GNA14: variants seen among roughly 807,000 people sequenced by gnomAD.
GNA14 encodes the protein G protein subunit alpha 14.
In GNA14, 50 loss-of-function variants were observed where a neutral mutation model predicts 42.0. The ratio of observed to expected loss-of-function variants is 1.19; its 90% CI spans 0.95 to 1.51. The LOEUF is 1.51. GNA14 is among the 40% of genes most tolerant of loss of function. GNA14 has a pLI of 0.00. For missense variants in GNA14, 473 were observed against 446.2 expected, an observed-to-expected ratio of 1.06 and a Z score of -0.54; for synonymous variants, 173 against 163.1, an observed-to-expected ratio of 1.06 and a Z score of -0.46.
intron 2 of GNA14, among the ~76,000 whole-genome samples, chr9:77,452,554 GTGTGTGTGTGTGTGTGTA>G (rs1040222271): frequency 8.5e-6 from 1 of 117,366 alleles, no homozygotes; most frequent in African/African-American, 3.3e-5. Context: ...ACACAAGTGT[GTGTGTGTGTGTGTGTGTA>G]TGTGCATGTG....
intron 2 of GNA14, among the ~76,000 whole-genome samples, chr9:77,521,993 C>T (rs574974200): frequency 2.6e-5 from 4 of 152,130 alleles, no homozygotes; most frequent in Admixed American, 6.5e-5. Context: ...CCACCACGCC[C>T]GGCTAATTTT....
intron 1 of GNA14, among the ~76,000 whole-genome samples, chr9:77,606,892 G>T (rs72732790): frequency 5.3e-5 from 8 of 152,128 alleles, no homozygotes; most frequent in African/African-American, 1.9e-4. Flanking sequence ...GCCAGGTTGG[G>T]ATTTATCTTA....
chr9:77,563,668 T>A (rs896975414), intron 1 of GNA14, among the ~76,000 whole-genome samples: 6 of 152,188 alleles, frequency 3.9e-5, no homozygotes, highest in African/African-American at 1.4e-4. Flanking sequence ...GCTGCTGTTT[T>A]TTTAAACAAG....
intron 2 of GNA14, among the ~76,000 whole-genome samples, chr9:77,521,666 C>T (rs1022436211): frequency 3.9e-5 from 6 of 152,046 alleles, no homozygotes; most frequent in Admixed American, 6.6e-5. Flanking sequence ...TATGATCCCG[C>T]CCCCAAAATA....
chr9:77,485,770 A>G (rs1250433279), intron 2 of GNA14, among the ~76,000 whole-genome samples: 2 of 152,186 alleles, frequency 1.3e-5, no homozygotes, highest in African/African-American at 4.8e-5. Context: ...TGCATTGTCA[A>G]TGAGTAGTAA....
chr9:77,463,632 G>T (rs62571502), intron 2 of GNA14, among the ~76,000 whole-genome samples: 24,099 of 152,226 alleles, frequency 0.16, 2,567 homozygotes, highest in East Asian at 0.36. Context: ...AAGAACACAT[G>T]TAGTTTCTCA....
At chr9:77,479,544 A>T (rs989267742) in intron 2 of GNA14, among the ~76,000 whole-genome samples, 6 of 151,296 alleles carry the variant, frequency 4.0e-5, no homozygotes, top group East Asian at 3.9e-4. Context: ...AAGTAGTTTT[A>T]TCCAATTCTT....
chr9:77,517,325 A>C (rs955550970), intron 2 of GNA14: 2 of 151,200 alleles, frequency 1.3e-5, no homozygotes, highest in African/African-American at 4.9e-5. Context: ...AATAGGGAGC[A>C]AGGGGCCACC....
At chr9:77,619,078 C>A (rs1469185535) in intron 1 of GNA14, among the ~76,000 whole-genome samples, 1 of 152,080 alleles carries the variant, frequency 6.6e-6, no homozygotes, top group African/African-American at 2.4e-5. Context: ...TTCCATTGGA[C>A]AGCCCTGGTT....
intron 2 of GNA14, among the ~76,000 whole-genome samples, chr9:77,452,428 A>C (rs1317596093): frequency 6.6e-6 from 1 of 152,156 alleles, no homozygotes; most frequent in African/African-American, 2.4e-5. Context: ...TACATTAAAC[A>C]AAACACTACT....
intron 1 of GNA14, among the ~76,000 whole-genome samples, chr9:77,572,983 C>A (rs767235868): frequency 6.6e-6 from 1 of 152,076 alleles, no homozygotes; most frequent in East Asian, 1.9e-4. Flanking sequence ...AATATACTGT[C>A]GACGCTAAAT....
intron 1 of GNA14, among the ~76,000 whole-genome samples, chr9:77,530,313 C>G (rs1321688893): frequency 2.0e-5 from 3 of 152,208 alleles, no homozygotes; most frequent in African/African-American, 7.2e-5. Context: ...CCTCCTCACT[C>G]TCTCTTGCTC....
At chr9:77,506,780 T>C (rs1161797566) in intron 2 of GNA14, among the ~76,000 whole-genome samples, 1 of 152,220 alleles carries the variant, frequency 6.6e-6, no homozygotes, top group African/African-American at 2.4e-5. Flanking sequence ...ACCATCCACA[T>C]TTCAAAGACT....
rs59975831 is a variant in GNA14 at position 77,593,334 on chromosome 9, CT to C, written c.124+54335del. 3.6e-4 allele frequency among the ~76,000 whole-genome samples: 51 copies of C among 142,742 alleles called. 1 individual carries two copies. The highest frequency in any genetic ancestry group is 3.5e-4 in the Admixed American group (5 of 14,420). The allele number at this position is 142,742 out of a possible 152,430, so 93.6% of individuals were successfully genotyped here. ...GATCAAAATACCCTCCCTAACATTC[CT>C]TTTTTTTTTTGAAACGGAGTCTCAC... On this transcript the variant is annotated intron_variant, in intron 1 of 6. Coordinates refer to ENST00000341700, the MANE Select transcript of GNA14 (RefSeq NM_004297.4).
intron 2 of GNA14, among the ~76,000 whole-genome samples, chr9:77,496,349 G>A (rs1209418480): frequency 1.3e-5 from 2 of 152,124 alleles, no homozygotes; most frequent in Non-Finnish European, 2.9e-5. Context: ...ACATAAAATA[G>A]GAATTCTTTA....
chr9:77,525,807 GGATTACAGGCGT>G (rs1456861252), intron 2 of GNA14, among the ~76,000 whole-genome samples: 1 of 151,498 alleles, frequency 6.6e-6, no homozygotes, highest in Non-Finnish European at 1.5e-5. Flanking sequence ...CAAAGTACTG[GGATTACAGGCGT>G]GAGCCACCGC....
chr9:77,430,752 T>C (rs76245007), intron 4 of GNA14, among the ~76,000 whole-genome samples: 2,482 of 152,280 alleles, frequency 0.016, 65 homozygotes, highest in African/African-American at 0.057. Context: ...TATATTATTA[T>C]TCATTTTTTA....
rs113434245 is a variant in GNA14 at position 77,430,621 on chromosome 9, G to A, written c.593+700C>T. ...TATAACTGGGGATCAGACAGGACCCGGATGTGGGAGGACTGATGTGTTGTC... is the reference window on the plus strand; with the variant it reads ...TATAACTGGGGATCAGACAGGACCCAGATGTGGGAGGACTGATGTGTTGTC... On this transcript the variant is annotated intron_variant, in intron 4 of 6. Coordinates refer to ENST00000341700, the MANE Select transcript of GNA14 (RefSeq NM_004297.4). Among the ~76,000 whole-genome samples, 1,115 of 152,304 alleles carry A rather than the reference G, an allele frequency of 7.3e-3. 14 individuals are homozygous for A. Among genetic ancestry groups the A allele is most frequent in the African/African-American group, 0.025 (1,036 of 41,566 alleles).
chr9:77,593,585 C>T (rs942220612), intron 1 of GNA14, among the ~76,000 whole-genome samples: 1 of 152,158 alleles, frequency 6.6e-6, no homozygotes, highest in Non-Finnish European at 1.5e-5. Context: ...GCTGGAATTA[C>T]AGGTGTGAGC....
Sources: allele counts gnomAD v4.1 joint callset (sites outside exome capture counted in the v4.1 genomes callset), GRCh38; gene constraint gnomAD v4.1.1; transcripts MANE v1.5; gene names NCBI Gene and HGNC (gene_info 2026-07-23, HGNC 2026-07-21).